The following KMT2C variants were observed in gnomAD, a reference collection of about 807,000 sequenced individuals.
The protein encoded by KMT2C is lysine methyltransferase 2C.
In KMT2C, 88 loss-of-function variants were observed where a neutral mutation model predicts 507.9. That is an observed-to-expected ratio of 0.17 (90% CI 0.15 to 0.21). The LOEUF is 0.21. Among genes scored for constraint, KMT2C ranks in the 10% least tolerant of loss-of-function variants. The pLI is 1.00. For synonymous variants in KMT2C, 2,049 were observed against 2,080.8 expected (o/e 0.98, Z 0.42); for missense variants, 4,954 against 5,957.8 (o/e 0.83, Z 5.55).
At chr7:152,260,482 A>T (rs1264429071) in intron 9 of KMT2C, among the ~76,000 whole-genome samples, 1 of 152,052 alleles carries the variant, frequency 6.6e-6, no homozygotes, top group African/African-American at 2.4e-5. Flanking sequence ...AAGTAAATAT[A>T]TTTTTTTAAA....
At chr7:152,345,508 T>G (rs557164297) in intron 2 of KMT2C, among the ~76,000 whole-genome samples, 1 of 152,272 alleles carries the variant, frequency 6.6e-6, no homozygotes, top group African/African-American at 2.4e-5. Context: ...ACAGAAATTG[T>G]TATAATAGGT....
intron 1 of KMT2C, among the ~76,000 whole-genome samples, chr7:152,424,463 C>T (rs137967711): frequency 6.6e-6 from 1 of 152,010 alleles, no homozygotes; most frequent in African/African-American, 2.4e-5. Flanking sequence ...CACTCTGTCG[C>T]CCAGGCTTGA....
At chr7:152,316,079 G>A (rs1244652161) in intron 3 of KMT2C, among the ~76,000 whole-genome samples, 1 of 152,074 alleles carries the variant, frequency 6.6e-6, no homozygotes, top group Admixed American at 6.5e-5. Context: ...ATACACACGG[G>A]GAGATATAAA....
chr7:152,361,389 T>C (rs967027269), intron 1 of KMT2C, among the ~76,000 whole-genome samples: 2 of 151,972 alleles, frequency 1.3e-5, no homozygotes, highest in Admixed American at 6.6e-5. Flanking sequence ...TGAAACCCCG[T>C]CTCTACTAAA....
intron 1 of KMT2C, among the ~76,000 whole-genome samples, chr7:152,370,045 T>A (rs2097281769): frequency 6.6e-6 from 1 of 151,830 alleles, no homozygotes; most frequent in South Asian, 2.1e-4. Flanking sequence ...TACAAAAAAA[T>A]TAGCTGGGCG....
At chr7:152,342,890 G>T (rs886879397) in intron 2 of KMT2C, among the ~76,000 whole-genome samples, 2 of 152,138 alleles carry the variant, frequency 1.3e-5, no homozygotes, top group South Asian at 2.1e-4. Flanking sequence ...ATAAACTCCA[G>T]CCAGTTCTAG....
chr7:152,357,725 C>T (rs1372305534), intron 2 of KMT2C, among the ~76,000 whole-genome samples: 1 of 152,088 alleles, frequency 6.6e-6, no homozygotes, highest in African/African-American at 2.4e-5. Flanking sequence ...AATACTCTAA[C>T]TAGACCTTAT....
intron 1 of KMT2C, among the ~76,000 whole-genome samples, chr7:152,364,609 C>CAAAAA (rs568794506): frequency 3.3e-5 from 3 of 90,836 alleles, no homozygotes; most frequent in Admixed American, 1.2e-4. Context: ...ACTCCGTCTC[C>CAAAAA]AAAAAAAAAA....
chr7:152,396,371 CAG>C (rs2097538235), intron 1 of KMT2C, among the ~76,000 whole-genome samples: 1 of 152,152 alleles, frequency 6.6e-6, no homozygotes, highest in Admixed American at 6.5e-5. Flanking sequence ...GAGATAATAA[CAG>C]TAATTACTTT....
intron 38 of KMT2C, among the ~76,000 whole-genome samples, chr7:152,175,597 T>G (rs1195661674): frequency 6.6e-6 from 1 of 152,002 alleles, no homozygotes; most frequent in African/African-American, 2.4e-5. Context: ...ATTAGTTTGC[T>G]GAGAATGATG....
chr7:152,231,198 T>C (rs1166024378), intron 16 of KMT2C, among the ~76,000 whole-genome samples: 2 of 152,244 alleles, frequency 1.3e-5, no homozygotes, highest in African/African-American at 2.4e-5. Context: ...ATTAGCCATA[T>C]GATTATCAAC....
chr7:152,287,817 A>G (rs926118166), intron 6 of KMT2C, among the ~76,000 whole-genome samples: 8 of 152,196 alleles, frequency 5.3e-5, no homozygotes, highest in African/African-American at 1.9e-4. Context: ...TGAGGTCAGG[A>G]GTTCGAGACC....
chr7:152,171,196 T>C, intron 40 of KMT2C, 68 bp downstream of exon 40: 1 of 1,073,256 alleles, frequency 9.3e-7, no homozygotes, highest in South Asian at 1.6e-5. Flanking sequence ...GGACTTACTC[T>C]AAAGCATGAG....
At chr7:152,295,672 C>A (rs1269952608) in intron 6 of KMT2C, among the ~76,000 whole-genome samples, 2 of 152,200 alleles carry the variant, frequency 1.3e-5, no homozygotes, top group Non-Finnish European at 2.9e-5. Context: ...ACGCACCCTG[C>A]TCTAAGCAGA....
intron 42 of KMT2C, among the ~76,000 whole-genome samples, chr7:152,164,434 C>T (rs531304283): frequency 2.5e-4 from 38 of 151,790 alleles, no homozygotes; most frequent in Admixed American, 1.6e-3. Flanking sequence ...GGACTACAGG[C>T]GCCCGCTACC....
chr7:152,352,158 G>A (rs933226788), intron 2 of KMT2C, among the ~76,000 whole-genome samples: 6 of 152,152 alleles, frequency 3.9e-5, no homozygotes, highest in East Asian at 1.9e-4. Context: ...CCTTGGGTGC[G>A]GCTGTCTTTT....
intron 6 of KMT2C, among the ~76,000 whole-genome samples, chr7:152,302,997 G>A (rs2096584596): frequency 6.6e-6 from 1 of 151,632 alleles, no homozygotes; most frequent in African/African-American, 2.4e-5. Flanking sequence ...CATGTAGAAT[G>A]AAAATATTCC....
intron 2 of KMT2C, among the ~76,000 whole-genome samples, chr7:152,331,676 C>T: frequency 2.5e-5 from 3 of 121,192 alleles, no homozygotes; most frequent in East Asian, 5.1e-4. Flanking sequence ...TTGATGGAGT[C>T]TCGCTCTGTC....
At chr7:152,377,816 C>A (rs61244064) in intron 1 of KMT2C, among the ~76,000 whole-genome samples, 1 of 151,838 alleles carries the variant, frequency 6.6e-6, no homozygotes, top group Non-Finnish European at 1.5e-5. Context: ...GATTCACCAC[C>A]GTAGATGTCA....
Sources: gnomAD v4.1 joint callset for allele counts (sites outside exome capture counted in the v4.1 genomes callset) on GRCh38, gnomAD v4.1.1 for gene constraint, MANE v1.5 for transcripts, NCBI Gene and HGNC (gene_info 2026-07-23, HGNC 2026-07-21) for gene names.